The following RBFOX3 variants were observed in gnomAD, a reference collection of about 807,000 sequenced individuals.
RBFOX3 encodes the protein RNA binding protein fox-1 homolog 3.
Under a neutral mutation model 48.7 loss-of-function variants are expected in RBFOX3, and 17 were observed. The observed-to-expected ratio is 0.35, with a 90% CI of 0.24 to 0.52. The LOEUF (loss-of-function observed/expected upper bound fraction) is 0.52. Among genes scored for constraint, RBFOX3 ranks in the 20% least tolerant of loss-of-function variants. RBFOX3 has a pLI of 0.94. For missense variants in RBFOX3, 382 were observed against 497.5 expected (o/e 0.77, Z 2.21); for synonymous variants, 212 against 209.5 (o/e 1.01, Z -0.10).
At chr17:79,137,646 CG>C (rs2040549077) in intron 4 of RBFOX3, among the ~76,000 whole-genome samples, 1 of 148,248 alleles carries the variant, frequency 6.7e-6, no homozygotes, top group South Asian at 2.2e-4. Context: ...TGGCCTGGCC[CG>C]GGCACGCGGG....
At chr17:79,232,365 G>T (rs2061137969) in intron 4 of RBFOX3, among the ~76,000 whole-genome samples, 1 of 152,172 alleles carries the variant, frequency 6.6e-6, no homozygotes, top group Non-Finnish European at 1.5e-5. Context: ...AAGATTACCT[G>T]GTTTCAAGAC....
rs1194475207 is a variant in RBFOX3 at position 79,097,750 on chromosome 17, A to G, written c.569-5T>C. 1 of 1,551,368 alleles carries G rather than the reference A, an allele frequency of 6.4e-7. No homozygotes were observed. Among genetic ancestry groups the G allele is most frequent in the South Asian group, 1.2e-5 (1 of 84,056 alleles). Reference sequence around the variant, plus strand: ...CCACTGGATTTAGCTTCCAGCCTAAAACAAAGGCACAGAGACCTAGTCACT... The same window carrying G: ...CCACTGGATTTAGCTTCCAGCCTAAGACAAAGGCACAGAGACCTAGTCACT... On this transcript the variant is annotated splice_region_variant and splice_polypyrimidine_tract_variant and intron_variant, in intron 9 of 14. Coordinates refer to ENST00000693108, the MANE Select transcript of RBFOX3 (RefSeq NM_001350451.2).
Position 79,265,518 on chromosome 17 carries a change from C to T in RBFOX3, c.-73-29713G>A, listed in dbSNP as rs114918820. Among the ~76,000 whole-genome samples the T allele has an allele frequency of 9.7e-3, 1,476 of 152,286 alleles. 20 individuals are homozygous for T. Among genetic ancestry groups the T allele is most frequent in the African/African-American group, 0.033 (1,386 of 41,550 alleles). On this transcript the variant is annotated intron_variant, in intron 3 of 14. Coordinates refer to ENST00000693108, the MANE Select transcript of RBFOX3 (RefSeq NM_001350451.2). Reference sequence around the variant, plus strand: ...GCCAGAAGGACTGCCACTTTATTAACTTTTTAGAGCACTCTGGAGAGTTAG... The same window carrying T: ...GCCAGAAGGACTGCCACTTTATTAATTTTTTAGAGCACTCTGGAGAGTTAG...
intron 3 of RBFOX3, among the ~76,000 whole-genome samples, chr17:79,240,426 C>G (rs1407331749): frequency 6.6e-6 from 1 of 152,226 alleles, no homozygotes; most frequent in Admixed American, 6.5e-5. Flanking sequence ...TAGAAAGGCA[C>G]AGAGCAAGCG....
At chr17:79,207,923 A>G (rs972835648) in intron 4 of RBFOX3, among the ~76,000 whole-genome samples, 7 of 152,162 alleles carry the variant, frequency 4.6e-5, no homozygotes, top group African/African-American at 1.4e-4. Flanking sequence ...CAATTAATCA[A>G]TGTTTTGGCC....
chr17:79,246,566 C>T (rs1268701472), intron 3 of RBFOX3, among the ~76,000 whole-genome samples: 1 of 152,240 alleles, frequency 6.6e-6, no homozygotes, highest in African/African-American at 2.4e-5. Flanking sequence ...GTCCAGATGG[C>T]CGTCCAGTCC....
At chr17:79,381,484 G>A (rs1292578447) in intron 2 of RBFOX3, among the ~76,000 whole-genome samples, 5 of 152,160 alleles carry the variant, frequency 3.3e-5, no homozygotes, top group African/African-American at 1.2e-4. Context: ...GCTCCCCGGG[G>A]CTCGGGGCTG....
chr17:79,089,356 AG>A lies in RBFOX3; in HGVS notation c.*1526del, dbSNP rs2073511337. ...AGCATACAGAGTTGTCCTGGTTTGA[AG>A]AAAGAAATCTTTATTAATAATCTTA... On this transcript the variant is annotated 3_prime_UTR_variant, in exon 15 of 15. Coordinates refer to ENST00000693108, the MANE Select transcript of RBFOX3 (RefSeq NM_001350451.2). The A allele has an allele frequency of 6.6e-6, 1 of 152,644 alleles. No individual in the cohort carries two copies. Among genetic ancestry groups the A allele is most frequent in the Non-Finnish European group, 1.5e-5 (1 of 68,086 alleles). 9.5% of individuals were successfully genotyped at this position (152,644 alleles called of 1,614,324 possible).
At chr17:79,610,190 GC>G in intron 1 of RBFOX3, among the ~76,000 whole-genome samples, 1 of 152,164 alleles carries the variant, frequency 6.6e-6, no homozygotes, top group Non-Finnish European at 1.5e-5. Context: ...AGCTGTGGCA[GC>G]CCCTTCCTCC....
In RBFOX3 at chr17:79,115,649, C is replaced by T. The variant is rs1166665301; in HGVS notation, c.67G>A (p.Ala23Thr). ...TGCGTGGGGTGCGGTGGGGGCGGGG[C>T]GTACTCGGCAGGGATGCCGTTCTGT... ...PPQNGIPAEYAPPPPHPTQDY... is the reference protein window; with the variant it reads ...PPQNGIPAEYTPPPPHPTQDY... The change falls in exon 5 of 15, where the codon GCC becomes ACC. Residue 23 changes from alanine (A) to threonine (T), a missense_variant. By Grantham distance (58) the Ala-to-Thr change is moderately conservative. Coordinates refer to ENST00000693108, the MANE Select transcript of RBFOX3 (RefSeq NM_001350451.2). 5.5e-6 allele frequency: 7 copies of T among 1,275,846 alleles called. No homozygotes were observed. Among genetic ancestry groups the T allele is most frequent in the African/African-American group, 5.4e-5 (3 of 55,164 alleles). 79.0% of individuals were successfully genotyped at this position (1,275,846 alleles called of 1,614,324 possible).
At chr17:79,554,796 T>C (rs1352794241) in intron 1 of RBFOX3, among the ~76,000 whole-genome samples, 1 of 152,266 alleles carries the variant, frequency 6.6e-6, no homozygotes, top group African/African-American at 2.4e-5. Context: ...CCAGGCTCTG[T>C]GTTAGGTTCT....
intron 3 of RBFOX3, among the ~76,000 whole-genome samples, chr17:79,236,324 T>C (rs1396871658): frequency 9.9e-5 from 15 of 151,888 alleles, no homozygotes; most frequent in Admixed American, 9.8e-4. Context: ...GGAGATGGAG[T>C]CTCGCTCTGT....
intron 4 of RBFOX3, among the ~76,000 whole-genome samples, chr17:79,142,431 A>C (rs541731256): frequency 2.0e-5 from 3 of 152,302 alleles, no homozygotes; most frequent in African/African-American, 7.2e-5. Context: ...CCCACGGCTG[A>C]GCACTAATGG....
At chr17:79,429,634 C>T (rs1384295775) in intron 2 of RBFOX3, among the ~76,000 whole-genome samples, 1 of 152,114 alleles carries the variant, frequency 6.6e-6, no homozygotes, top group Admixed American at 6.5e-5. Context: ...TGAGGTCACA[C>T]CTGGGCCAGT....
At chr17:79,573,597 T>G (rs1230540459) in intron 1 of RBFOX3, among the ~76,000 whole-genome samples, 3 of 152,208 alleles carry the variant, frequency 2.0e-5, no homozygotes, top group African/African-American at 7.2e-5. Flanking sequence ...ACAAGCTCTC[T>G]CCATCCTACA....
chr17:79,142,306 G>A (rs1022164159), intron 4 of RBFOX3, among the ~76,000 whole-genome samples: 1 of 152,212 alleles, frequency 6.6e-6, no homozygotes. Flanking sequence ...AGCCTCCAGG[G>A]GTGGGAGCAG....
Position 79,106,776 on chromosome 17 carries a change from C to T in RBFOX3, c.235G>A (p.Ala79Thr). The change falls in exon 6 of 15, where the codon GCG becomes ACG. Residue 79 changes from alanine to threonine, a missense_variant. Coordinates refer to ENST00000693108, the MANE Select transcript of RBFOX3 (RefSeq NM_001350451.2). ...GTQTVPQTDE[A>T]AQTDSQPLHP... ...AGCGGCTGGCTGTCCGTCTGTGCCG[C>T]CTCGTCTGTCTGCTGCAGGGAGAGG... 1 of 1,521,576 alleles carries T rather than the reference C, an allele frequency of 6.6e-7. No individual in the cohort carries two copies. The highest frequency in any genetic ancestry group is 8.8e-7 in the Non-Finnish European group (1 of 1,135,544). 94.3% of individuals were successfully genotyped at this position (1,521,576 alleles called of 1,614,324 possible). A position where few individuals can be genotyped will look rare whatever the true frequency, so the allele number is the denominator to read the frequency against.
intron 1 of RBFOX3, among the ~76,000 whole-genome samples, chr17:79,545,681 C>T (rs2090329196): frequency 6.6e-6 from 1 of 152,208 alleles, no homozygotes; most frequent in African/African-American, 2.4e-5. Flanking sequence ...CTGTCCAACC[C>T]ACCTCCTGTT....
chr17:79,656,708 GGA>G, the RBFOX3 span, among the ~76,000 whole-genome samples: 234 of 17,872 alleles, frequency 0.013, 2 homozygotes, highest in African/African-American at 0.027. Context: ...AAGGAAGGAA[GGA>G]GAGAGAGAGA....
Sources: allele counts gnomAD v4.1 joint callset (sites outside exome capture counted in the v4.1 genomes callset), GRCh38; gene constraint gnomAD v4.1.1; transcripts MANE v1.5; gene names NCBI Gene and HGNC (gene_info 2026-07-23, HGNC 2026-07-21).